Variants in CCDC18 observed in about 807,000 individuals in gnomAD.
CCDC18 encodes coiled-coil domain-containing protein 18.
Under a neutral mutation model 196.0 loss-of-function variants are expected in CCDC18, and 157 were observed. That is an observed-to-expected ratio of 0.80 (90% CI 0.70 to 0.91). CCDC18 has a LOEUF of 0.91. Ranked by LOEUF, CCDC18 falls within the 40% of genes least tolerant of loss-of-function variation. The probability of loss-of-function intolerance (pLI) is 0.00; values close to 1 mark genes in which losing one functional copy is unlikely to be tolerated. For missense variants in CCDC18, 1,465 were observed against 1,611.6 expected, an observed-to-expected ratio of 0.91 and a Z score of 1.56; for synonymous variants, 482 against 529.2, an observed-to-expected ratio of 0.91 and a Z score of 1.22.
chr1:93,276,487 ATTAC>A (rs1171837299), intron 28 of CCDC18, among the ~76,000 whole-genome samples: 7 of 152,176 alleles, frequency 4.6e-5, no homozygotes, highest in African/African-American at 1.2e-4. Flanking sequence ...ATAAAAAGTT[ATTAC>A]TTCTATTTCT....
intron 23 of CCDC18, among the ~76,000 whole-genome samples, chr1:93,248,075 G>A (rs1202182489): frequency 1.4e-5 from 2 of 143,994 alleles, no homozygotes; most frequent in South Asian, 2.2e-4. Flanking sequence ...GAGTGCAGTG[G>A]CTTGATCTCA....
In CCDC18 at chr1:93,214,806, G is replaced by A; in HGVS notation, c.1559G>A (p.Arg520Lys). The change falls in exon 12 of 29, where the codon AGA becomes AAA. Residue 520 changes from arginine to lysine, a missense_variant. Physicochemically the swap from Arg to Lys is conservative, Grantham distance 26. Transcript: ENST00000690025. ...MNKQYEKERQ[R>K]LVTGIEELRT... is the part of the protein sequence containing the mutation. Reference sequence around the variant, plus strand: ...AAGCAATATGAAAAAGAGAGGCAAAGACTTGTTACTGGAATAGAAGAACTA... The same window carrying A: ...AAGCAATATGAAAAAGAGAGGCAAAAACTTGTTACTGGAATAGAAGAACTA... The A allele has an allele frequency of 1.9e-6, 3 of 1,613,404 alleles. No individual in the cohort carries two copies. The highest frequency in any genetic ancestry group is 4.5e-5 in the East Asian group (2 of 44,778).
chr1:93,239,200 T>A, intron 19 of CCDC18, 110 bp from the exon 20 acceptor site: 2 of 760,280 alleles, frequency 2.6e-6, no homozygotes, highest in South Asian at 5.6e-5. Context: ...TCCAACTAGA[T>A]ATTTTGCTGA....
In CCDC18 at chr1:93,211,418, T is replaced by G. The variant is rs530666373; in HGVS notation, c.1334+492T>G. ...GATTGATTCTCCTTAAAATTTGTGG[T>G]ATTTGTTTTAAATCTGTTTCTCCAA... is the stretch of plus-strand genomic sequence containing the variant. On this transcript the variant is annotated intron_variant, in intron 10 of 28. Transcript: ENST00000690025. 1.1e-4 allele frequency among the ~76,000 whole-genome samples: 16 copies of G among 152,344 alleles called. No individual in the cohort carries two copies. The East Asian group carries it at 3.1e-3, about 29-fold the overall frequency.
chr1:93,205,632 G>A lies in CCDC18; in HGVS notation c.917+1G>A. The A allele has an allele frequency of 1.3e-6, 2 of 1,588,202 alleles. No individual in the cohort carries two copies. Among genetic ancestry groups the A allele is most frequent in the East Asian group, 2.3e-5 (1 of 44,400 alleles). ...TTGAAATTCTGAAAGAGAAATTAAG[G>A]TACAGTATTCTGTTGTAGAAAAAGG... is the stretch of plus-strand genomic sequence containing the variant. On this transcript the variant is annotated splice_donor_variant, in intron 8 of 28. Coordinates refer to ENST00000690025, the MANE Select transcript of CCDC18 (RefSeq NM_001378204.1). LOFTEE classifies it high-confidence loss of function.
rs748500228 is a variant in CCDC18 at position 93,201,959 on chromosome 1, A to T, written c.766A>T (p.Lys256Ter). 3 of 1,551,692 alleles carry T rather than the reference A, an allele frequency of 1.9e-6. No homozygotes were observed. The Admixed American group carries it at 5.3e-5, about 28-fold the overall frequency. The change falls in exon 7 of 29, where the codon AAA becomes TAA. Residue 256 changes from lysine (K) to a stop codon, truncating the protein, a stop_gained. Coordinates refer to ENST00000690025, the MANE Select transcript of CCDC18 (RefSeq NM_001378204.1). LOFTEE classifies it high-confidence loss of function. Reference protein sequence around the residue: ...EELSKAFQQYKKKVAEKLEKV... With the variant: ...EELSKAFQQY ...GCTGAGTAAAGCTTTCCAACAATAT[A>T]AAAAAAAAGTGGCTGAAAAACTGGA... is the stretch of plus-strand genomic sequence containing the variant.
chr1:93,249,003 C>T (rs1017228365), intron 23 of CCDC18, among the ~76,000 whole-genome samples: 1 of 151,376 alleles, frequency 6.6e-6, no homozygotes, highest in Non-Finnish European at 1.5e-5. Context: ...AATGTTCCCT[C>T]CTCTTCAATT....
chr1:93,241,753 A>G (rs994756260), intron 21 of CCDC18, among the ~76,000 whole-genome samples: 14 of 150,932 alleles, frequency 9.3e-5, no homozygotes, highest in African/African-American at 3.4e-4. Flanking sequence ...AAAATAGATC[A>G]TATTGCTTAC....
chr1:93,190,902 C>T, intron 4 of CCDC18: 2 of 743,852 alleles, frequency 2.7e-6, no homozygotes, highest in Admixed American at 1.7e-5. Context: ...GGAAAATCTA[C>T]TTAGTCTGCC....
In CCDC18 at chr1:93,197,752, T is replaced by C. The variant is rs1338699872; in HGVS notation, c.698+4008T>C. Among the ~76,000 whole-genome samples the C allele has an allele frequency of 6.4e-4, 85 of 133,454 alleles. No individual in the cohort carries two copies. The East Asian group carries it at 0.012, about 19-fold the overall frequency. 87.6% of individuals were successfully genotyped at this position (133,454 alleles called of 152,430 possible). On this transcript the variant is annotated intron_variant, in intron 6 of 28. Transcript: ENST00000690025. Reference sequence around the variant, plus strand: ...CTGCATTTCTTTTCTTTTCTTTTTTTTTTTTTTTTTTTTTTTTGAGACAGA... The same window carrying C: ...CTGCATTTCTTTTCTTTTCTTTTTTCTTTTTTTTTTTTTTTTTGAGACAGA...
intron 23 of CCDC18, among the ~76,000 whole-genome samples, chr1:93,252,039 A>G (rs185265142): frequency 6.6e-6 from 1 of 151,568 alleles, no homozygotes; most frequent in Non-Finnish European, 1.5e-5. Context: ...CTATCTATCT[A>G]TCAAACTAAT....
chr1:93,205,825 T>G (rs1453879962), intron 8 of CCDC18, among the ~76,000 whole-genome samples, 194 bp downstream of exon 8: 1 of 152,156 alleles, frequency 6.6e-6, no homozygotes, highest in African/African-American at 2.4e-5. Flanking sequence ...CTAATAATAT[T>G]TGTAAATACG....
chr1:93,199,594 G>A (rs1537758), intron 6 of CCDC18, among the ~76,000 whole-genome samples: 32,151 of 152,194 alleles, frequency 0.21, 3,829 homozygotes, highest in East Asian at 0.34. Context: ...AGCAGGGGGC[G>A]TGTTTCAGCC....
chr1:93,215,165 A>G (rs959857136), intron 12 of CCDC18, among the ~76,000 whole-genome samples, 199 bp downstream of exon 12: 1 of 152,210 alleles, frequency 6.6e-6, no homozygotes, highest in African/African-American at 2.4e-5. Context: ...AAGTTATTAA[A>G]AGTAGGAAAA....
chr1:93,268,944 A>G (rs919417647), intron 27 of CCDC18, among the ~76,000 whole-genome samples: 1 of 152,196 alleles, frequency 6.6e-6, no homozygotes, highest in African/African-American at 2.4e-5. Flanking sequence ...CCAAAGTACT[A>G]TAAATCATGC....
At chr1:93,260,671 A>G (rs2101185794) in intron 26 of CCDC18, among the ~76,000 whole-genome samples, 1 of 151,718 alleles carries the variant, frequency 6.6e-6, no homozygotes, top group Non-Finnish European at 1.5e-5. Flanking sequence ...CAGAACATGC[A>G]GTTTTGTTAC....
rs1406408280 is a variant in CCDC18 at position 93,207,119 on chromosome 1, A to G, written c.930A>G (p.Glu310=). The change falls in exon 9 of 29, where the codon GAA becomes GAG. Residue 310 remains glutamate (E), a synonymous_variant. Coordinates refer to ENST00000690025, the MANE Select transcript of CCDC18 (RefSeq NM_001378204.1). ...ILKEKLRQLK[E]ENNNGKEKLR... is the part of the protein sequence containing the mutation. The stretch of plus-strand genomic sequence containing the variant: ...CTTTTCTTCATAGGCAGTTAAAAGA[A>G]GAAAATAACAACGGAAAAGAAAAAT... The G allele has an allele frequency of 1.3e-6, 2 of 1,493,634 alleles. No individual in the cohort carries two copies. The highest frequency in any genetic ancestry group is 1.8e-6 in the Non-Finnish European group (2 of 1,102,118). The allele number at this position is 1,493,634 out of a possible 1,614,324, so 92.5% of individuals were successfully genotyped here. A position where few individuals can be genotyped will look rare whatever the true frequency, so the allele number is the denominator to read the frequency against.
chr1:93,262,567 C>G (rs959805694), intron 26 of CCDC18, among the ~76,000 whole-genome samples: 4 of 152,222 alleles, frequency 2.6e-5, no homozygotes, highest in African/African-American at 9.6e-5. Context: ...CCAAGCTACA[C>G]TGATGCAAGG....
intron 27 of CCDC18, chr1:93,269,638 T>C (rs1665024126): frequency 6.6e-6 from 1 of 152,116 alleles, no homozygotes; most frequent in Admixed American, 6.5e-5. Flanking sequence ...ATGGATACCT[T>C]TAAGAAAAGG....
Sources: gnomAD v4.1 joint callset for allele counts (sites outside exome capture counted in the v4.1 genomes callset) on GRCh38, gnomAD v4.1.1 for gene constraint, MANE v1.5 for transcripts, NCBI Gene and HGNC (gene_info 2026-07-23, HGNC 2026-07-21) for gene names.